DIAPH3: variants seen among roughly 807,000 people sequenced by gnomAD.
The protein encoded by DIAPH3 is diaphanous related formin 3.
DIAPH3 carries 117 observed loss-of-function variants against 144.3 expected under a neutral mutation model. The observed-to-expected ratio is 0.81, with a 90% CI of 0.70 to 0.95. The LOEUF is 0.95. DIAPH3 is among the 40% of genes least tolerant of loss of function. The pLI is 0.00. For synonymous variants in DIAPH3, 519 were observed against 488.9 expected (o/e 1.06, Z -0.81); for missense variants, 1,421 against 1,412.7 (o/e 1.01, Z -0.09).
chr13:60,028,287 A>T (rs1246071777), intron 5 of DIAPH3, among the ~76,000 whole-genome samples: 2 of 151,670 alleles, frequency 1.3e-5, no homozygotes, highest in African/African-American at 4.8e-5. Context: ...ACTCAATCTC[A>T]TTTCAGTCTG....
chr13:59,772,705 T>A (rs1005376453), intron 27 of DIAPH3, among the ~76,000 whole-genome samples: 2 of 152,068 alleles, frequency 1.3e-5, no homozygotes, highest in Non-Finnish European at 2.9e-5. Context: ...AAAATATATA[T>A]TTTAAATTAA....
intron 9 of DIAPH3, among the ~76,000 whole-genome samples, chr13:60,005,799 A>G (rs2052833788): frequency 6.6e-6 from 1 of 152,142 alleles, no homozygotes; most frequent in Non-Finnish European, 1.5e-5. Context: ...CACATTTTAA[A>G]TGGGTAAATT....
intron 20 of DIAPH3, among the ~76,000 whole-genome samples, chr13:59,884,482 C>T (rs1361633596): frequency 6.6e-6 from 1 of 152,124 alleles, no homozygotes; most frequent in Non-Finnish European, 1.5e-5. Context: ...TGCTGCTCCA[C>T]ACTACACTCT....
At chr13:60,073,169 C>T (rs1310510431) in intron 4 of DIAPH3, among the ~76,000 whole-genome samples, 3 of 151,934 alleles carry the variant, frequency 2.0e-5, no homozygotes, top group Non-Finnish European at 4.4e-5. Context: ...ATTAGCCGGG[C>T]GTGGTGGCAG....
In DIAPH3 at chr13:59,974,431, T is replaced by C. The variant is rs183098317; in HGVS notation, c.1571A>G (p.Gln524Arg). Reference sequence around the variant, plus strand: ...TTTCTGCAATTCAGCCTGAGTTTCTTGGTGGTCGGTAAACTCTTTTTCAAA... The same window carrying C: ...TTTCTGCAATTCAGCCTGAGTTTCTCGGTGGTCGGTAAACTCTTTTTCAAA... ...KKFEKEFTDH[Q>R]ETQAELQKKE... Residue 524 changes from glutamine (Q) to arginine (R), a missense_variant, in exon 15 of 28, where the codon CAA becomes CGA. Gln to Arg is a conservative substitution (Grantham distance 43, BLOSUM62 1). Transcript: ENST00000400324. 829 of 1,607,392 alleles carry C rather than the reference T, an allele frequency of 5.2e-4. 7 individuals are homozygous for C. The Admixed American group carries it at 0.012, about 23-fold the overall frequency.
At position 59,935,327 on chromosome 13, in the gene DIAPH3, C is replaced by A. The variant is rs74876732; in HGVS notation, c.2075-10457G>T. Among the ~76,000 whole-genome samples, 1,117 of 152,272 alleles carry A rather than the reference C, an allele frequency of 7.3e-3. 46 individuals carry two copies. In the East Asian group the frequency reaches 0.089, roughly 12 times the overall value. On this transcript the variant is annotated intron_variant, in intron 17 of 27. Transcript: ENST00000400324. ...AAGGAAAAGTCAAGAATGCGCCTAT[C>A]ACTACCTCTCAAGTAGTGGGTAACT...
chr13:59,937,087 C>T (rs1264348152), intron 17 of DIAPH3, among the ~76,000 whole-genome samples: 3 of 151,254 alleles, frequency 2.0e-5, no homozygotes, highest in East Asian at 1.9e-4. Flanking sequence ...GGCTTGAAAC[C>T]GGGAGGCAGA....
At chr13:59,956,044 A>C (rs905615078) in intron 17 of DIAPH3, among the ~76,000 whole-genome samples, 16 of 152,298 alleles carry the variant, frequency 1.1e-4, no homozygotes, top group African/African-American at 3.6e-4. Flanking sequence ...ATTCATTCAG[A>C]AGATATGGTT....
intron 24 of DIAPH3, among the ~76,000 whole-genome samples, chr13:59,831,515 T>C (rs1172868603): frequency 6.6e-6 from 1 of 151,838 alleles, no homozygotes; most frequent in Non-Finnish European, 1.5e-5. Flanking sequence ...TGAGTCTTGG[T>C]GTCAAAGATT....
intron 20 of DIAPH3, among the ~76,000 whole-genome samples, chr13:59,892,068 T>C: frequency 6.6e-6 from 1 of 151,698 alleles, no homozygotes; most frequent in East Asian, 1.9e-4. Context: ...ACATGGAATA[T>C]ACCATAAGTA....
chr13:59,870,054 A>T (rs907328722), intron 21 of DIAPH3, among the ~76,000 whole-genome samples: 35 of 152,204 alleles, frequency 2.3e-4, no homozygotes, highest in Non-Finnish European at 3.5e-4. Flanking sequence ...ATAAAACCAA[A>T]GGTCACATAG....
At chr13:59,826,234 T>C (rs2041409394) in intron 24 of DIAPH3, among the ~76,000 whole-genome samples, 1 of 124,772 alleles carries the variant, frequency 8.0e-6, no homozygotes, top group Non-Finnish European at 1.7e-5. Context: ...AAAGAGGAAG[T>C]CAAATTGTCC....
chr13:60,001,208 G>C (rs532087589), intron 9 of DIAPH3, among the ~76,000 whole-genome samples: 1 of 152,272 alleles, frequency 6.6e-6, no homozygotes, highest in East Asian at 1.9e-4. Flanking sequence ...CAAGTTCAAA[G>C]TTCCTCTCCT....
At chr13:59,712,986 T>C (rs1187359972) in intron 27 of DIAPH3, among the ~76,000 whole-genome samples, 1 of 152,168 alleles carries the variant, frequency 6.6e-6, no homozygotes, top group Admixed American at 6.5e-5. Flanking sequence ...CAGTTCACAA[T>C]AGAGTTCGTG....
intron 27 of DIAPH3, among the ~76,000 whole-genome samples, chr13:59,729,056 T>C (rs1004399672): frequency 3.3e-5 from 5 of 152,128 alleles, no homozygotes; most frequent in African/African-American, 1.2e-4. Context: ...AGAATGTTTC[T>C]GGTGAAGTAC....
chr13:59,928,981 A>C (rs2047887046), intron 17 of DIAPH3, among the ~76,000 whole-genome samples: 1 of 152,122 alleles, frequency 6.6e-6, no homozygotes, highest in Non-Finnish European at 1.5e-5. Flanking sequence ...CTTGATAAGA[A>C]AGAAGAGTGT....
intron 25 of DIAPH3, among the ~76,000 whole-genome samples, chr13:59,805,823 C>T (rs1207124559): frequency 6.6e-6 from 1 of 151,920 alleles, no homozygotes; most frequent in Non-Finnish European, 1.5e-5. Flanking sequence ...ATTTAGTCCA[C>T]TATTTTTATC....
At chr13:59,855,462 T>C (rs544302592) in intron 22 of DIAPH3, among the ~76,000 whole-genome samples, 1 of 152,138 alleles carries the variant, frequency 6.6e-6, no homozygotes, top group South Asian at 2.1e-4. Flanking sequence ...TATATTTGGC[T>C]TATATTAACA....
chr13:59,931,883 C>T (rs1251834204), intron 17 of DIAPH3, among the ~76,000 whole-genome samples: 1 of 152,126 alleles, frequency 6.6e-6, no homozygotes, highest in Non-Finnish European at 1.5e-5. Flanking sequence ...CAAGAGGCAG[C>T]TGGACATACA....
Sources: gnomAD v4.1 joint callset for allele counts (sites outside exome capture counted in the v4.1 genomes callset) on GRCh38, gnomAD v4.1.1 for gene constraint, MANE v1.5 for transcripts, NCBI Gene and HGNC (gene_info 2026-07-23, HGNC 2026-07-21) for gene names.